BANP: variants seen among roughly 807,000 people sequenced by gnomAD.
BANP encodes protein BANP.
Under a neutral mutation model 68.1 loss-of-function variants are expected in BANP, and 11 were observed. That is an observed-to-expected ratio of 0.16 (90% CI 0.10 to 0.27). The LOEUF is 0.27. BANP is among the 10% of genes least tolerant of loss of function. The pLI, the probability that BANP is intolerant of heterozygous loss-of-function variation, is 1.00. For synonymous variants in BANP, 329 were observed against 303.2 expected, an observed-to-expected ratio of 1.09 and a Z score of -0.88; for missense variants, 504 against 722.7, an observed-to-expected ratio of 0.70 and a Z score of 3.47.
intron 11 of BANP, among the ~76,000 whole-genome samples, chr16:88,048,052 C>A (rs765710774): frequency 6.6e-6 from 1 of 152,210 alleles, no homozygotes; most frequent in Non-Finnish European, 1.5e-5. Flanking sequence ...AGCACCAAGG[C>A]CTGCTGGGCC....
chr16:87,974,168 T>C (rs1390192187), intron 1 of BANP, among the ~76,000 whole-genome samples: 1 of 152,242 alleles, frequency 6.6e-6, no homozygotes, highest in East Asian at 1.9e-4. Context: ...GATAAAAACA[T>C]GATGGTCACA....
Position 88,006,081 on chromosome 16 carries a change from C to T in BANP, c.480-9C>T, listed in dbSNP as rs2071006372. ...CACATCGGGCTGGTGTGTTTTTTTT[C>T]CCGTTTAGCGCTGTGCCTGGGCGTC... On this transcript the variant is annotated splice_polypyrimidine_tract_variant and intron_variant, in intron 5 of 13. Coordinates refer to ENST00000682872, the MANE Select transcript of BANP (RefSeq NM_001386991.1). 6.2e-7 allele frequency: 1 copy of T among 1,613,302 alleles called. No homozygotes were observed. The highest frequency in any genetic ancestry group is 8.5e-7 in the Non-Finnish European group (1 of 1,179,722).
rs2085388695 is a variant in BANP, at chr16:88,057,521, AC to A, written c.1312-7742del. 6.6e-6 allele frequency among the ~76,000 whole-genome samples: 1 copy of A among 151,642 alleles called. No homozygotes were observed. The highest frequency in any genetic ancestry group is 2.1e-4 in the South Asian group (1 of 4,802). ...AGTCAAGAAACGAGGAGTGAAAAACACCCCTCAGGTCGCTTCATGCTGATTC... is the reference window on the plus strand; with the variant it reads ...AGTCAAGAAACGAGGAGTGAAAAACACCCTCAGGTCGCTTCATGCTGATTC... On this transcript the variant is annotated intron_variant, in intron 11 of 13. Coordinates refer to ENST00000682872, the MANE Select transcript of BANP (RefSeq NM_001386991.1). This position sits in a 1 kb window ranked among gnomAD's most constrained non-coding sequence, Gnocchi z 4.6.
At chr16:88,009,927 CAGT>C (rs2152575195) in intron 6 of BANP, among the ~76,000 whole-genome samples, 1 of 152,182 alleles carries the variant, frequency 6.6e-6, no homozygotes, top group South Asian at 2.1e-4. Context: ...AAGCATGGAA[CAGT>C]AGACTGTGTC....
At chr16:87,952,106 C>A (rs1347299060) in intron 1 of BANP, 1 of 152,250 alleles carries the variant, frequency 6.6e-6, no homozygotes, top group Non-Finnish European at 1.5e-5. Flanking sequence ...TCGGGGTGCC[C>A]CCTCCCCAGC....
At chr16:87,996,514 C>T (rs1047825039) in intron 4 of BANP, among the ~76,000 whole-genome samples, 2 of 124,792 alleles carry the variant, frequency 1.6e-5, no homozygotes, top group Non-Finnish European at 3.4e-5. Flanking sequence ...GCCGGCTGGG[C>T]TCTGGTTCTG....
chr16:87,992,518 T>G (rs7499401), intron 4 of BANP, among the ~76,000 whole-genome samples: 99,788 of 152,110 alleles, frequency 0.66, 33,395 homozygotes, highest in African/African-American at 0.76. Flanking sequence ...GAACTGCCAG[T>G]CACGGTGGCT....
intron 6 of BANP, chr16:88,017,522 A>G (rs1382110885): frequency 6.6e-6 from 1 of 152,250 alleles, no homozygotes; most frequent in Admixed American, 6.5e-5. Flanking sequence ...CAACCCGGAG[A>G]TGCCGTTACA....
chr16:88,050,255 C>T (rs976043529), intron 11 of BANP, among the ~76,000 whole-genome samples: 11 of 152,090 alleles, frequency 7.2e-5, no homozygotes, highest in Admixed American at 7.2e-4. Flanking sequence ...CTCCCGGGCT[C>T]AGGCAATCCT....
rs1315241598 is a variant in BANP at position 88,057,835 on chromosome 16, GCC to G, written c.1312-7430_1312-7429del. 1.3e-5 allele frequency among the ~76,000 whole-genome samples: 2 copies of G among 151,944 alleles called. No individual in the cohort carries two copies. The highest frequency in any genetic ancestry group is 1.3e-4 in the Admixed American group (2 of 15,260). On this transcript the variant is annotated intron_variant, in intron 11 of 13. Transcript: ENST00000682872. This position sits in a 1 kb window ranked among gnomAD's most constrained non-coding sequence, Gnocchi z 4.6. ...CCAGGGCAAGTGGTGCTGGCCGGAT[GCC>G]CACAGTGAGGAGGTGCGGGGCACGC...
intron 1 of BANP, among the ~76,000 whole-genome samples, chr16:87,951,869 G>A (rs2056960488): frequency 6.6e-6 from 1 of 152,056 alleles, no homozygotes; most frequent in Non-Finnish European, 1.5e-5. Context: ...GGGGAGACTG[G>A]AAAGGCCTAG....
chr16:87,972,986 C>T (rs2061395043), intron 1 of BANP, among the ~76,000 whole-genome samples: 1 of 152,048 alleles, frequency 6.6e-6, no homozygotes, highest in Admixed American at 6.6e-5. Context: ...TTCCTCCATC[C>T]TATGCCCGTG....
intron 1 of BANP, among the ~76,000 whole-genome samples, chr16:87,968,568 A>G (rs1208813050): frequency 6.6e-6 from 1 of 151,912 alleles, no homozygotes; most frequent in East Asian, 1.9e-4. Flanking sequence ...GGCTGTATTG[A>G]TGACATGTAG....
intron 1 of BANP, among the ~76,000 whole-genome samples, chr16:87,963,171 C>T (rs866763725): frequency 1.3e-4 from 20 of 152,166 alleles, no homozygotes; most frequent in Non-Finnish European, 2.1e-4. Flanking sequence ...AGGAGAAGGG[C>T]GCCAGGACGA....
intron 4 of BANP, among the ~76,000 whole-genome samples, chr16:87,997,641 G>A (rs977729308): frequency 7.9e-5 from 12 of 152,328 alleles, no homozygotes; most frequent in African/African-American, 2.9e-4. Context: ...ATGGTAAAGT[G>A]GGTGAAGTAG....
intron 11 of BANP, among the ~76,000 whole-genome samples, chr16:88,040,263 T>TG (rs1371295386): frequency 6.6e-6 from 1 of 151,732 alleles, no homozygotes; most frequent in Non-Finnish European, 1.5e-5. Flanking sequence ...TCCTTTTTTT[T>TG]TTTTTTTTCC....
intron 9 of BANP, among the ~76,000 whole-genome samples, chr16:88,034,174 C>A (rs201975380): frequency 2.0e-5 from 3 of 152,176 alleles, no homozygotes; most frequent in Non-Finnish European, 4.4e-5. Context: ...GGGGCGTTAC[C>A]CTTCCTCTTC....
chr16:88,021,573 C>T (rs2076031968), intron 7 of BANP, among the ~76,000 whole-genome samples: 2 of 152,228 alleles, frequency 1.3e-5, no homozygotes, highest in African/African-American at 2.4e-5. Context: ...CGTGCTTAGA[C>T]GGAATTGCTG....
chr16:88,019,788 T>C (rs1268061836), intron 7 of BANP, among the ~76,000 whole-genome samples: 2 of 151,662 alleles, frequency 1.3e-5, no homozygotes, highest in Non-Finnish European at 1.5e-5. Context: ...GGAAGCACAG[T>C]GTGGCCCGTG....
Sources: allele counts gnomAD v4.1 joint callset (sites outside exome capture counted in the v4.1 genomes callset), GRCh38; gene constraint gnomAD v4.1.1; non-coding constraint Gnocchi (gnomAD v3.1); transcripts MANE v1.5; gene names NCBI Gene and HGNC (gene_info 2026-07-23, HGNC 2026-07-21).